EBF2: variants seen among roughly 807,000 people sequenced by gnomAD.
EBF2 encodes EBF transcription factor 2, also known as transcription factor COE2.
A neutral mutation model predicts 72.8 loss-of-function variants in EBF2; 21 were observed. The observed-to-expected ratio is 0.29, with a 90% CI of 0.20 to 0.42. The LOEUF (loss-of-function observed/expected upper bound fraction) is 0.42, where lower values mean the gene tolerates loss of function less well. Ranked by LOEUF, EBF2 falls within the 10% of genes least tolerant of loss-of-function variation. The probability of loss-of-function intolerance (pLI) is 1.00; values close to 1 mark genes in which losing one functional copy is unlikely to be tolerated. For missense variants in EBF2, 637 were observed against 731.2 expected (o/e 0.87, Z 1.49); for synonymous variants, 299 against 274.2 (o/e 1.09, Z -0.89).
Position 26,040,966 on chromosome 8 carries a change from A to G in EBF2, c.325T>C (p.Tyr109His). 1 of 1,614,228 alleles carries G rather than the reference A, an allele frequency of 6.2e-7. No homozygotes were observed. The highest frequency in any genetic ancestry group is 1.1e-5 in the South Asian group (1 of 91,074). The part of the protein sequence containing the change: ...GNEKTNNGTH[Y>H]KLQLLYSNGV... ...TTGCTGTAGAGGAGCTGTAACTTGTAGTGAGTGCCGTTGTTGGTCTTCTCG... is the reference window on the plus strand; with the variant it reads ...TTGCTGTAGAGGAGCTGTAACTTGTGGTGAGTGCCGTTGTTGGTCTTCTCG... Residue 109 changes from tyrosine (Y) to histidine (H), a missense_variant, in exon 3 of 16, where the codon TAC (tyrosine) becomes CAC (histidine). Transcript: ENST00000520164.
chr8:26,036,708 A>C (rs1052532212), intron 5 of EBF2, among the ~76,000 whole-genome samples: 2 of 152,158 alleles, frequency 1.3e-5, no homozygotes, highest in Non-Finnish European at 2.9e-5. Flanking sequence ...AACAGCTAAG[A>C]AACCAGGTCC....
chr8:25,975,249 G>A (rs1354889675), intron 6 of EBF2, among the ~76,000 whole-genome samples: 1 of 152,106 alleles, frequency 6.6e-6, no homozygotes, highest in African/African-American at 2.4e-5. Flanking sequence ...AACGATACAT[G>A]TTTCAAATTT....
At position 25,858,404 on chromosome 8, in the gene EBF2, G is replaced by C. The variant is rs754356928; in HGVS notation, c.1443C>G (p.Gly481=). 35 of 1,614,054 alleles carry C rather than the reference G, an allele frequency of 2.2e-5. No individual in the cohort carries two copies. Among genetic ancestry groups the C allele is most frequent in the Non-Finnish European group, 2.7e-5 (32 of 1,180,040 alleles). The change falls in exon 14 of 16, where the codon GGC becomes GGG. Residue 481 remains glycine, a synonymous_variant. Transcript: ENST00000520164. ...AGTTGGCCATGGGGACATTGCTGTA[G>C]CCATTCATACTGTTGCTGGAGGTAC... is the stretch of plus-strand genomic sequence containing the variant. ...NYSTSSNSMN[G]YSNVPMANLG...
intron 6 of EBF2, among the ~76,000 whole-genome samples, chr8:25,991,091 A>C (rs1451350180): frequency 4.6e-5 from 7 of 151,824 alleles, no homozygotes; most frequent in Non-Finnish European, 1.0e-4. Context: ...ATTTCTTGCA[A>C]AACTCGAGTA....
chr8:25,857,775 G>T (rs1156608994), intron 14 of EBF2, among the ~76,000 whole-genome samples: 1 of 152,092 alleles, frequency 6.6e-6, no homozygotes, highest in East Asian at 1.9e-4. Context: ...CTGAAAGGAG[G>T]GGAAAACCAG....
intron 6 of EBF2, among the ~76,000 whole-genome samples, chr8:26,005,916 G>A (rs771458256): frequency 6.6e-5 from 10 of 151,552 alleles, no homozygotes; most frequent in Non-Finnish European, 1.5e-4. Context: ...TCCCAAAGTA[G>A]CCGCAGTTTA....
intron 6 of EBF2, among the ~76,000 whole-genome samples, chr8:25,919,967 T>C (rs1051560853): frequency 6.6e-6 from 1 of 152,218 alleles, no homozygotes; most frequent in African/African-American, 2.4e-5. Context: ...AGAGTTTTTA[T>C]ATGCCAAACC....
rs191569818 is a variant in EBF2 at position 25,889,190 on chromosome 8, A to G, written c.751+562T>C. Among the ~76,000 whole-genome samples, 1,355 of 152,314 alleles carry G rather than the reference A, an allele frequency of 8.9e-3. 9 individuals carry two copies. The highest frequency in any genetic ancestry group is 0.013 in the Non-Finnish European group (916 of 68,028). On this transcript the variant is annotated intron_variant, in intron 8 of 15. Coordinates refer to ENST00000520164, the MANE Select transcript of EBF2 (RefSeq NM_022659.4). ...TGCAGACAGAAGGGGAATAATTAAA[A>G]TGGAATTTACTTAGATTTGTCAGTT...
Position 25,857,772 on chromosome 8 carries a change from G to C in EBF2, c.1528+547C>G, listed in dbSNP as rs139296228. ...TCCACCTCTCTGGAGGTACTGAAAGGAGGGGAAAACCAGGTTGCAAAGTCA... is the reference window on the plus strand; with the variant it reads ...TCCACCTCTCTGGAGGTACTGAAAGCAGGGGAAAACCAGGTTGCAAAGTCA... On this transcript the variant is annotated intron_variant, in intron 14 of 15. Transcript: ENST00000520164. Among the ~76,000 whole-genome samples the C allele has an allele frequency of 9.2e-4, 140 of 152,238 alleles. 1 individual carries two copies. The highest frequency in any genetic ancestry group is 3.1e-3 in the African/African-American group (129 of 41,544).
chr8:26,030,085 T>C (rs1805373716), intron 6 of EBF2, among the ~76,000 whole-genome samples: 1 of 152,082 alleles, frequency 6.6e-6, no homozygotes, highest in Non-Finnish European at 1.5e-5. Context: ...CTAGCTTTTT[T>C]AGTTTTTGTA....
chr8:25,854,961 GGAA>G (rs1316894093), intron 14 of EBF2, among the ~76,000 whole-genome samples: 1 of 152,048 alleles, frequency 6.6e-6, no homozygotes, highest in Non-Finnish European at 1.5e-5. Context: ...ATTCTGCTTT[GGAA>G]GAAGTGGTCC....
chr8:25,906,511 A>G (rs966956318), intron 7 of EBF2, among the ~76,000 whole-genome samples: 1 of 152,202 alleles, frequency 6.6e-6, no homozygotes, highest in South Asian at 2.1e-4. Flanking sequence ...TCACACCTGT[A>G]ATCCCAGCAA....
rs111692252 is a variant in EBF2, at chr8:25,986,120, G to C, written c.551+46965C>G. 3.9e-3 allele frequency among the ~76,000 whole-genome samples: 592 copies of C among 150,984 alleles called. 4 individuals are homozygous for C. The highest frequency in any genetic ancestry group is 0.014 in the African/African-American group (561 of 41,144). On this transcript the variant is annotated intron_variant, in intron 6 of 15. Transcript: ENST00000520164. ...TATTTGTACAACACATATTTGTTGA[G>C]CAACTATTATATGCTGGGTATACAC... is the stretch of plus-strand genomic sequence containing the variant.
intron 6 of EBF2, among the ~76,000 whole-genome samples, chr8:25,921,194 C>T (rs1037955711): frequency 6.6e-6 from 1 of 152,162 alleles, no homozygotes; most frequent in Non-Finnish European, 1.5e-5. Context: ...GATGCATTTG[C>T]CAAACCCATG....
chr8:25,912,311 C>T (rs1258870691), intron 6 of EBF2, among the ~76,000 whole-genome samples: 1 of 152,086 alleles, frequency 6.6e-6, no homozygotes, highest in Non-Finnish European at 1.5e-5. Flanking sequence ...TTGCATGTTT[C>T]CTGCACCAAT....
chr8:25,875,261 C>T (rs1403332520), intron 10 of EBF2, among the ~76,000 whole-genome samples: 1 of 152,172 alleles, frequency 6.6e-6, no homozygotes, highest in Non-Finnish European at 1.5e-5. Context: ...GTGAATTGTG[C>T]TTGTGCTTTT....
chr8:26,008,897 C>T (rs1248226099), intron 6 of EBF2, among the ~76,000 whole-genome samples: 2 of 148,682 alleles, frequency 1.3e-5, no homozygotes, highest in African/African-American at 4.9e-5. Context: ...ACAACACATG[C>T]TATGTGTGTG....
intron 6 of EBF2, among the ~76,000 whole-genome samples, chr8:25,928,180 TA>T (rs1372845139): frequency 6.6e-6 from 1 of 152,082 alleles, no homozygotes; most frequent in Non-Finnish European, 1.5e-5. Flanking sequence ...TGAAAAAAAT[TA>T]GAAGTACAGC....
chr8:26,038,462 G>A (rs1805542124), intron 5 of EBF2, among the ~76,000 whole-genome samples: 1 of 152,148 alleles, frequency 6.6e-6, no homozygotes, highest in South Asian at 2.1e-4. Context: ...GCTGGATGGG[G>A]CATGCAAGTA....
Sources: allele counts gnomAD v4.1 joint callset (sites outside exome capture counted in the v4.1 genomes callset), GRCh38; gene constraint gnomAD v4.1.1; transcripts MANE v1.5; gene names NCBI Gene and HGNC (gene_info 2026-07-23, HGNC 2026-07-21).